Variants in PTCH1 observed in about 807,000 individuals in gnomAD.
The protein encoded by PTCH1 is protein patched homolog 1.
Under a neutral mutation model 144.6 loss-of-function variants are expected in PTCH1, and 14 were observed. That is an observed-to-expected ratio of 0.10 (90% confidence interval 0.06 to 0.15). PTCH1 has a LOEUF of 0.15. Among genes scored for constraint, PTCH1 ranks in the 10% least tolerant of loss-of-function variants. PTCH1 has a pLI of 1.00. For synonymous variants in PTCH1, 833 were observed against 793.6 expected (o/e 1.05, Z -0.83); for missense variants, 1,623 against 1,948.3 (o/e 0.83, Z 3.14).
chr9:95,507,918 A>ACACC, intron 1 of PTCH1: 1 of 1,375,014 alleles, frequency 7.3e-7, no homozygotes, highest in Non-Finnish European at 9.5e-7. Context: ...ACACACACAC[A>ACACC]CGCACACACA....
At position 95,449,589 on chromosome 9, in the gene PTCH1, A is replaced by G. The variant is rs1838274124; in HGVS notation, c.3549+252T>C. On this transcript the variant is annotated intron_variant, in intron 21 of 23. Transcript: ENST00000331920. The surrounding 1 kb of genome is among the most constrained non-coding windows in gnomAD (Gnocchi z 5.3). ...AAGTCCAATTATGCATCTCAAGGGG[A>G]AAGTCTTCATTTACTGTATAAAGAT... The G allele has an allele frequency of 3.1e-6, 2 of 635,436 alleles. No homozygotes were observed. Among genetic ancestry groups the G allele is most frequent in the Non-Finnish European group, 5.5e-6 (2 of 366,168 alleles). 39.4% of individuals were successfully genotyped at this position (635,436 alleles called of 1,614,324 possible).
Position 95,459,694 on chromosome 9 carries a change from G to A in PTCH1, c.2793C>T (p.Pro931=), listed in dbSNP as rs1162747889. ...IYLTAWVSND[P]VAYAASQANI... is the part of the protein sequence containing the mutation. ...TGGCCTGGGAGGCAGCATACGCGAC[G>A]GGGTCGTTGCTGACCCAAGCCGTCA... Residue 931 remains proline, a synonymous_variant, in exon 17 of 24, where the codon CCC becomes CCT. Coordinates refer to ENST00000331920, the MANE Select transcript of PTCH1 (RefSeq NM_000264.5). 1.1e-5 allele frequency: 17 copies of A among 1,614,066 alleles called. No individual in the cohort carries two copies. The highest frequency in any genetic ancestry group is 5.0e-5 in the Admixed American group (3 of 60,006).
Position 95,508,245 on chromosome 9 carries a change from C to G in PTCH1, c.117G>C (p.Leu39=). 6.2e-7 allele frequency: 1 copy of G among 1,605,906 alleles called. No homozygotes were observed. The highest frequency in any genetic ancestry group is 1.3e-5 in the African/African-American group (1 of 74,874). ...CCCGGTCCGGCGCGGCAGCACGGCG[C>G]AGCCCCCCCGTCCGTCTGCGCCTCC... ...GGGRRRRTGG[L]RRAAAPDRDY... Residue 39 remains leucine, a synonymous_variant, in exon 1 of 24, where the codon CTG becomes CTC. Transcript: ENST00000331920.
rs2117967668 is a variant in PTCH1 at position 95,467,320 on chromosome 9, T to C, written c.2356A>G (p.Arg786Gly). 2 of 1,614,224 alleles carry C rather than the reference T, an allele frequency of 1.2e-6. No homozygotes were observed. The highest frequency in any genetic ancestry group is 1.1e-5 in the South Asian group (1 of 91,088). ...DLTDIVPRET[R>G]EYDFIAAQFK... ...TGTGCAGCAATAAAGTCATATTCTC[T>C]GGTTTCCCGAGGTACAATGTCCGTA... The change falls in exon 15 of 24, where the codon AGA becomes GGA. Residue 786 changes from arginine to glycine, a missense_variant. This residue lies in a region of PTCH1 where 504 missense variants were observed against 679.3 expected (regional missense o/e 0.74). Coordinates refer to ENST00000331920, the MANE Select transcript of PTCH1 (RefSeq NM_000264.5).
At chr9:95,448,965 T>A (rs1838193104) in intron 22 of PTCH1, 104 bp downstream of exon 22, 7 of 1,498,874 alleles carry the variant, frequency 4.7e-6, no homozygotes. Flanking sequence ...GCATCCCATC[T>A]GCCTGTGTGA....
intron 16 of PTCH1, among the ~76,000 whole-genome samples, chr9:95,461,087 A>C (rs746600673): frequency 1.3e-5 from 2 of 152,170 alleles, no homozygotes; most frequent in Non-Finnish European, 2.9e-5. Flanking sequence ...CCAAGGGAAG[A>C]GGCTCCGAGG....
chr9:95,447,004 C>A lies in PTCH1; in HGVS notation c.4252G>T (p.Val1418Phe), dbSNP rs369882883. ...TTCGAATCCCTCCTCTCACACCGGA[C>A]GTGGAAAGGCACGTGGGGGTCCTCA... ...LFEDPHVPFH[V>F]RCERRDSKVE... Residue 1418 changes from valine to phenylalanine, a missense_variant, in exon 23 of 24, where the codon GTC (valine) becomes TTC (phenylalanine). Transcript: ENST00000331920. 4 of 1,614,186 alleles carry A rather than the reference C, an allele frequency of 2.5e-6. No individual in the cohort carries two copies. The highest frequency in any genetic ancestry group is 2.5e-6 in the Non-Finnish European group (3 of 1,180,028).
upstream of PTCH1, among the ~76,000 whole-genome samples, chr9:95,511,990 TC>T (rs1266151508): frequency 6.6e-6 from 1 of 152,208 alleles, no homozygotes; most frequent in East Asian, 1.9e-4. Context: ...TATTAGTGTT[TC>T]GTCTCAATCT....
chr9:95,468,694 C>T lies in PTCH1; in HGVS notation c.2250+57G>A, dbSNP rs916728736. ...AAAAGTAGAAGCAATCTGATGAACT[C>T]CAAAGGTTCTGTTATTTTTTTGAAG... On this transcript the variant is annotated intron_variant, in intron 14 of 23. Coordinates refer to ENST00000331920, the MANE Select transcript of PTCH1 (RefSeq NM_000264.5). 6 of 1,596,546 alleles carry T rather than the reference C, an allele frequency of 3.8e-6. No homozygotes were observed. The Admixed American group carries it at 5.0e-5, about 13-fold the overall frequency.
intron 8 of PTCH1, among the ~76,000 whole-genome samples, 200 bp from the exon 9 acceptor site, chr9:95,478,386 T>A (rs996954249): frequency 6.6e-6 from 1 of 152,162 alleles, no homozygotes; most frequent in African/African-American, 2.4e-5. Flanking sequence ...ACAAGGGCCA[T>A]GGCTAATCAG....
intron 2 of PTCH1, among the ~76,000 whole-genome samples, chr9:95,486,960 A>C (rs1466918064): frequency 6.6e-6 from 1 of 152,222 alleles, no homozygotes; most frequent in East Asian, 1.9e-4. Flanking sequence ...ACTGAAAAGC[A>C]GGCCTGCAGC....
rs1838321373 is a variant in PTCH1 at position 95,449,978 on chromosome 9, C to T, written c.3450-38G>A. 1 of 1,578,328 alleles carries T rather than the reference C, an allele frequency of 6.3e-7. No individual in the cohort carries two copies. The highest frequency in any genetic ancestry group is 8.7e-7 in the Non-Finnish European group (1 of 1,148,928). On this transcript the variant is annotated intron_variant, in intron 20 of 23. Coordinates refer to ENST00000331920, the MANE Select transcript of PTCH1 (RefSeq NM_000264.5). This position sits in a 1 kb window ranked among gnomAD's most constrained non-coding sequence, Gnocchi z 5.3. ...GAGGAAACGGGAACACGCGCTGTGA[C>T]AGGGTGGATCGCGCCACCCTCCGTG...
intron 1 of PTCH1, among the ~76,000 whole-genome samples, chr9:95,515,833 A>C (rs1352152505): frequency 6.6e-6 from 1 of 151,986 alleles, no homozygotes; most frequent in Non-Finnish European, 1.5e-5. Flanking sequence ...ATGGGAGGGG[A>C]GGTGGGTAAG....
At chr9:95,503,131 G>T (rs1172794219) in intron 2 of PTCH1, among the ~76,000 whole-genome samples, 1 of 152,120 alleles carries the variant, frequency 6.6e-6, no homozygotes, top group African/African-American at 2.4e-5. Context: ...TTTCGTTTGT[G>T]TAGCAAGCAC....
upstream of PTCH1, among the ~76,000 whole-genome samples, chr9:95,511,278 C>T (rs28618386): frequency 2.6e-5 from 4 of 151,894 alleles, no homozygotes. Flanking sequence ...TTCCTTCGGC[C>T]TGCGCCTTCT....
upstream of PTCH1, among the ~76,000 whole-genome samples, chr9:95,513,260 T>C (rs1322701102): frequency 6.6e-6 from 1 of 152,106 alleles, no homozygotes; most frequent in African/African-American, 2.4e-5. Context: ...ACCAAATGAG[T>C]CTTTAAAATC....
chr9:95,492,809 G>A (rs977248595), intron 2 of PTCH1, among the ~76,000 whole-genome samples: 3 of 127,100 alleles, frequency 2.4e-5, no homozygotes, highest in African/African-American at 3.7e-5. Context: ...TTCTCAGCCA[G>A]TGAGGAGATG....
Position 95,508,398 on chromosome 9 carries a change from G to A in PTCH1, c.-37C>T, listed in dbSNP as rs1843921697. 1.8e-6 allele frequency: 2 copies of A among 1,105,558 alleles called. No individual in the cohort carries two copies. Among genetic ancestry groups the A allele is most frequent in the Non-Finnish European group, 2.2e-6 (2 of 909,578 alleles). 68.5% of individuals were successfully genotyped at this position (1,105,558 alleles called of 1,614,324 possible). A position where few individuals can be genotyped will look rare whatever the true frequency, so the allele number is the denominator to read the frequency against. Reference sequence around the variant, plus strand: ...CGCCGCCGCCGCCGCGGGGACGGAGGCTTCCCGGGCGGCCCGGCGCGCTGC... The same window carrying A: ...CGCCGCCGCCGCCGCGGGGACGGAGACTTCCCGGGCGGCCCGGCGCGCTGC... On this transcript the variant is annotated 5_prime_UTR_variant, in exon 1 of 24. Coordinates refer to ENST00000331920, the MANE Select transcript of PTCH1 (RefSeq NM_000264.5).
At chr9:95,497,658 G>A (rs1842876882) in intron 2 of PTCH1, among the ~76,000 whole-genome samples, 1 of 152,138 alleles carries the variant, frequency 6.6e-6, no homozygotes, top group Non-Finnish European at 1.5e-5. Flanking sequence ...TGTGACAAGA[G>A]CGCTCTTCCT....
Sources: gnomAD v4.1 joint callset for allele counts (sites outside exome capture counted in the v4.1 genomes callset) on GRCh38, gnomAD v4.1.1 for gene constraint, gnomAD v4.1.1 regional missense constraint, Gnocchi (gnomAD v3.1) non-coding constraint, MANE v1.5 for transcripts, NCBI Gene and HGNC (gene_info 2026-07-23, HGNC 2026-07-21) for gene names.